LPCAT1: variants seen among roughly 807,000 people sequenced by gnomAD.
The protein encoded by LPCAT1 is 1-acylglycerol-3-phosphate O-acyltransferase.
In LPCAT1, 23 loss-of-function variants were observed where a neutral mutation model predicts 60.9. The observed-to-expected ratio is 0.38, with a 90% CI of 0.27 to 0.53. The LOEUF is 0.53. Ranked by LOEUF, LPCAT1 falls within the 20% of genes least tolerant of loss-of-function variation. LPCAT1 has a pLI of 0.82. For synonymous variants in LPCAT1, 340 were observed against 301.1 expected, an observed-to-expected ratio of 1.13 and a Z score of -1.34; for missense variants, 622 against 723.6, an observed-to-expected ratio of 0.86 and a Z score of 1.61.
chr5:1,464,220 G>A (rs1317760139), intron 13 of LPCAT1, among the ~76,000 whole-genome samples: 2 of 152,232 alleles, frequency 1.3e-5, no homozygotes, highest in African/African-American at 2.4e-5. Flanking sequence ...CTGAGGGGGT[G>A]CCCTCGTCCA....
chr5:1,511,199 C>T (rs1053401417), intron 1 of LPCAT1, among the ~76,000 whole-genome samples: 2 of 152,196 alleles, frequency 1.3e-5, no homozygotes, highest in South Asian at 2.1e-4. Flanking sequence ...CCTCCGACTG[C>T]GACCGCACAG....
chr5:1,486,354 G>T (rs1227669637), intron 5 of LPCAT1, among the ~76,000 whole-genome samples: 1 of 152,098 alleles, frequency 6.6e-6, no homozygotes, highest in African/African-American at 2.4e-5. Flanking sequence ...ACACTCAGGA[G>T]AAAGAAGGCA....
At chr5:1,498,323 GT>G (rs1250824207) in intron 2 of LPCAT1, among the ~76,000 whole-genome samples, 2 of 152,100 alleles carry the variant, frequency 1.3e-5, no homozygotes, top group East Asian at 3.9e-4. Flanking sequence ...TCTCTCTTCT[GT>G]TTCCCTTCAA....
intron 8 of LPCAT1, 54 bp downstream of exon 8, chr5:1,479,567 G>A (rs763186922): frequency 6.3e-6 from 8 of 1,278,198 alleles, no homozygotes; most frequent in African/African-American, 1.5e-5. Context: ...GTGTAAGCTC[G>A]TGTCTGCATC....
intron 1 of LPCAT1, among the ~76,000 whole-genome samples, chr5:1,520,962 G>C (rs1370132168): frequency 6.6e-6 from 1 of 151,472 alleles, no homozygotes; most frequent in Non-Finnish European, 1.5e-5. Context: ...AGATTCCAAG[G>C]AAAGTACCGA....
chr5:1,508,529 GC>G (rs914015332), intron 1 of LPCAT1, among the ~76,000 whole-genome samples: 8 of 152,124 alleles, frequency 5.3e-5, no homozygotes, highest in African/African-American at 1.7e-4. Flanking sequence ...CCATCTGCAA[GC>G]CCAGGAGAGG....
At position 1,522,040 on chromosome 5, in the gene LPCAT1, C is replaced by A. The variant is rs770895020; in HGVS notation, c.135+1670G>T. Among the ~76,000 whole-genome samples, 1 of 152,214 alleles carries A rather than the reference C, an allele frequency of 6.6e-6. No homozygotes were observed. The highest frequency in any genetic ancestry group is 1.9e-4 in the East Asian group (1 of 5,190). On this transcript the variant is annotated intron_variant, in intron 1 of 13. Transcript: ENST00000283415. This position sits in a 1 kb window ranked among gnomAD's most constrained non-coding sequence, Gnocchi z 6.8. ...CCAGGGAGGGGCTTGATGTTTCCCC[C>A]CAGGGAGCCAGGAGGGAGTAGGAAA... is the stretch of plus-strand genomic sequence containing the variant.
rs1244815441 is a variant in LPCAT1 at position 1,480,026 on chromosome 5, G to A, written c.762-351C>T. ...CCAGGCAGCACAGGCCCTGAGTCAT[G>A]CCACCCCTCCAGCCTGGATCCAGAG... On this transcript the variant is annotated intron_variant, in intron 7 of 13. Coordinates refer to ENST00000283415, the MANE Select transcript of LPCAT1 (RefSeq NM_024830.5). This position sits in a 1 kb window ranked among gnomAD's most constrained non-coding sequence, Gnocchi z 6.4. Among the ~76,000 whole-genome samples the A allele has an allele frequency of 6.6e-6, 1 of 151,808 alleles. No individual in the cohort carries two copies. Among genetic ancestry groups the A allele is most frequent in the Non-Finnish European group, 1.5e-5 (1 of 67,936 alleles).
At chr5:1,478,987 A>T (rs574351606) in intron 8 of LPCAT1, among the ~76,000 whole-genome samples, 29 of 152,346 alleles carry the variant, frequency 1.9e-4, no homozygotes, top group Admixed American at 1.6e-3. Context: ...TGACAAACTC[A>T]GCGGTATTAA....
Position 1,461,747 on chromosome 5 carries a change from C to G in LPCAT1, c.*1904G>C, listed in dbSNP as rs1475350960. On this transcript the variant is annotated 3_prime_UTR_variant, in exon 14 of 14. Coordinates refer to ENST00000283415, the MANE Select transcript of LPCAT1 (RefSeq NM_024830.5). ...AGAGATTTTTTTTTCTGAAAATGCACAGTGGCATTTCATTCAAAAAACCCT... is the reference window on the plus strand; with the variant it reads ...AGAGATTTTTTTTTCTGAAAATGCAGAGTGGCATTTCATTCAAAAAACCCT... 6.6e-6 allele frequency: 1 copy of G among 152,644 alleles called. No individual in the cohort carries two copies. The highest frequency in any genetic ancestry group is 1.5e-5 in the Non-Finnish European group (1 of 68,036). The allele number at this position is 152,644 out of a possible 1,614,324, so 9.5% of individuals were successfully genotyped here.
At chr5:1,465,351 T>G (rs529521360) in intron 13 of LPCAT1, among the ~76,000 whole-genome samples, 1 of 124,548 alleles carries the variant, frequency 8.0e-6, no homozygotes. Context: ...TAAACACACA[T>G]GCGCACGCAC....
chr5:1,466,115 G>T (rs781562021), intron 13 of LPCAT1, among the ~76,000 whole-genome samples: 1 of 152,264 alleles, frequency 6.6e-6, no homozygotes, highest in Admixed American at 6.5e-5. Flanking sequence ...TGGGAGCCTC[G>T]GGTGGATGCA....
chr5:1,473,475 G>T (rs894626165), intron 11 of LPCAT1, among the ~76,000 whole-genome samples: 1 of 152,388 alleles, frequency 6.6e-6, no homozygotes, highest in East Asian at 1.9e-4. Flanking sequence ...CAATTACGAC[G>T]AGGACCTGGG....
In LPCAT1 at chr5:1,476,788, T is replaced by G. The variant is rs1734936859; in HGVS notation, c.899+616A>C. On this transcript the variant is annotated intron_variant, in intron 9 of 13. Transcript: ENST00000283415. This position sits in a 1 kb window ranked among gnomAD's most constrained non-coding sequence, Gnocchi z 8.6. The stretch of plus-strand genomic sequence containing the variant: ...GGAATGGGACCTGAGGGATGGAAGG[T>G]GCTGAGGGAGGGAGATGGGGAGGGC... Among the ~76,000 whole-genome samples the G allele has an allele frequency of 7.0e-6, 1 of 143,166 alleles. No individual in the cohort carries two copies. The highest frequency in any genetic ancestry group is 2.6e-5 in the African/African-American group (1 of 37,908). The allele number at this position is 143,166 out of a possible 152,430, so 93.9% of individuals were successfully genotyped here.
intron 11 of LPCAT1, among the ~76,000 whole-genome samples, chr5:1,472,728 G>T (rs1365072544): frequency 6.6e-6 from 1 of 152,142 alleles, no homozygotes; most frequent in East Asian, 1.9e-4. Context: ...ATGTGGCACG[G>T]ACACCAGGAG....
rs1195937343 is a variant in LPCAT1 at position 1,480,361 on chromosome 5, C to T, written c.761+581G>A. On this transcript the variant is annotated intron_variant, in intron 7 of 13. Transcript: ENST00000283415. The surrounding 1 kb of genome is among the most constrained non-coding windows in gnomAD (Gnocchi z 6.4). ...CTCCCAAACGCCTGGAATGGAGCTG[C>T]TCTCTCTTGGACTTTCCCGCTCCCT... 1.0e-6 allele frequency: 1 copy of T among 985,222 alleles called. No homozygotes were observed. Among genetic ancestry groups the T allele is most frequent in the African/African-American group, 1.7e-5 (1 of 57,206 alleles). The allele number at this position is 985,222 out of a possible 1,614,324, so 61.0% of individuals were successfully genotyped here.
Position 1,479,614 on chromosome 5 carries a change from T to C in LPCAT1, c.816+7A>G, listed in dbSNP as rs1343827777. 6.2e-7 allele frequency: 1 copy of C among 1,603,016 alleles called. No homozygotes were observed. On this transcript the variant is annotated splice_region_variant and intron_variant, in intron 8 of 13. Coordinates refer to ENST00000283415, the MANE Select transcript of LPCAT1 (RefSeq NM_024830.5). ...AGAGCGCTGTGTAACTCTGTATCCA[T>C]ACGAACCTCGATTTCCACTTGGTTG...
intron 2 of LPCAT1, among the ~76,000 whole-genome samples, chr5:1,498,469 T>C (rs933754143): frequency 2.0e-5 from 3 of 152,152 alleles, no homozygotes; most frequent in Admixed American, 6.6e-5. Flanking sequence ...CATCCGTGCA[T>C]ACTCCCACAC....
intron 12 of LPCAT1, among the ~76,000 whole-genome samples, chr5:1,468,263 C>T (rs995294097): frequency 6.6e-6 from 1 of 152,268 alleles, no homozygotes; most frequent in African/African-American, 2.4e-5. Context: ...ACGCGGCCAC[C>T]CTGTCTTCTG....
Sources: gnomAD v4.1 joint callset for allele counts (sites outside exome capture counted in the v4.1 genomes callset) on GRCh38, gnomAD v4.1.1 for gene constraint, Gnocchi (gnomAD v3.1) non-coding constraint, MANE v1.5 for transcripts, NCBI Gene and HGNC (gene_info 2026-07-23, HGNC 2026-07-21) for gene names.